The following PPP1R9A variants were observed in gnomAD, a reference collection of about 807,000 sequenced individuals.
PPP1R9A encodes the protein protein phosphatase 1 regulatory subunit 9A.
Under a neutral mutation model 141.9 loss-of-function variants are expected in PPP1R9A, and 59 were observed. That is an observed-to-expected ratio of 0.42 (90% CI 0.34 to 0.52). PPP1R9A has a LOEUF of 0.52. Ranked by LOEUF, PPP1R9A falls within the 20% of genes least tolerant of loss-of-function variation. The pLI is 0.10. For missense variants in PPP1R9A, 1,444 were observed against 1,611.9 expected (o/e 0.90, Z 1.78); for synonymous variants, 500 against 569.7 (o/e 0.88, Z 1.74).
chr7:95,178,969 T>TCCTATTGA (rs370924873), intron 5 of PPP1R9A, among the ~76,000 whole-genome samples: 263 of 152,116 alleles, frequency 1.7e-3, no homozygotes, highest in African/African-American at 5.9e-3. Context: ...TTGGTACCAA[T>TCCTATTGA]CCTATTGACA....
intron 2 of PPP1R9A, among the ~76,000 whole-genome samples, chr7:94,920,311 C>T (rs143787877): frequency 6.1e-4 from 93 of 151,960 alleles, no homozygotes; most frequent in Middle Eastern, 3.4e-3. Context: ...GCTTCACTCA[C>T]TTTTGCTCTG....
intron 5 of PPP1R9A, among the ~76,000 whole-genome samples, chr7:95,169,078 G>T (rs952861649): frequency 4.6e-5 from 7 of 152,074 alleles, no homozygotes; most frequent in Non-Finnish European, 7.4e-5. Flanking sequence ...AGAGATGGCA[G>T]CATCTCAGTG....
chr7:94,924,108 A>G (rs769459026), intron 2 of PPP1R9A, among the ~76,000 whole-genome samples: 4 of 152,216 alleles, frequency 2.6e-5, no homozygotes, highest in Admixed American at 6.5e-5. Context: ...ACATTAACAG[A>G]CAAACCATGT....
At chr7:95,209,991 G>A (rs1243355257) in intron 7 of PPP1R9A, among the ~76,000 whole-genome samples, 1 of 152,124 alleles carries the variant, frequency 6.6e-6, no homozygotes, top group East Asian at 1.9e-4. Context: ...ACTCAAGGAA[G>A]ACTGCCAGTT....
At chr7:95,157,232 CA>C (rs1315356491) in intron 4 of PPP1R9A, among the ~76,000 whole-genome samples, 4 of 151,372 alleles carry the variant, frequency 2.6e-5, no homozygotes, top group Non-Finnish European at 5.9e-5. Context: ...CCTGCAGGGG[CA>C]GGGGGGCCTT....
intron 3 of PPP1R9A, among the ~76,000 whole-genome samples, chr7:95,118,996 AAAGAAG>A (rs1174243372): frequency 6.6e-6 from 1 of 151,616 alleles, no homozygotes; most frequent in Non-Finnish European, 1.5e-5. Context: ...AAAAAAAAAA[AAAGAAG>A]AAGAAGAAAG....
chr7:95,253,230 C>T (rs533804846), intron 12 of PPP1R9A, among the ~76,000 whole-genome samples: 28 of 152,104 alleles, frequency 1.8e-4, no homozygotes, highest in African/African-American at 6.5e-4. Context: ...ATGACAGGAC[C>T]GACAACTCAG....
chr7:95,205,034 C>T (rs1790490930), intron 7 of PPP1R9A, among the ~76,000 whole-genome samples: 1 of 151,732 alleles, frequency 6.6e-6, no homozygotes, highest in African/African-American at 2.4e-5. Flanking sequence ...CACACACACT[C>T]ACTCTGATCC....
chr7:95,092,458 A>G (rs1817489038), intron 2 of PPP1R9A, among the ~76,000 whole-genome samples: 1 of 151,944 alleles, frequency 6.6e-6, no homozygotes, highest in Non-Finnish European at 1.5e-5. Flanking sequence ...AGTGGAAGCC[A>G]GCAGGGTGGA....
intron 2 of PPP1R9A, among the ~76,000 whole-genome samples, chr7:95,000,168 G>A (rs1802718455): frequency 6.6e-6 from 1 of 152,072 alleles, no homozygotes. Context: ...AAGTAGTGCG[G>A]CAAAATTTTT....
chr7:94,920,444 C>A (rs966599967), intron 2 of PPP1R9A, among the ~76,000 whole-genome samples: 2 of 151,690 alleles, frequency 1.3e-5, no homozygotes, highest in African/African-American at 4.8e-5. Context: ...AAGAAGACAG[C>A]GAAATACAGT....
rs545880929 is a variant in PPP1R9A, at chr7:95,040,336, A to G, written c.1396-70923A>G. On this transcript the variant is annotated intron_variant, in intron 2 of 19. Coordinates refer to ENST00000433360, the MANE Select transcript of PPP1R9A (RefSeq NM_001166160.2). ...GGTACCAAAAAAAAAAAGTGCTATA[A>G]GGGATTTAGAGGAGGAAAAGATAGC... Among the ~76,000 whole-genome samples, 10 of 152,158 alleles carry G rather than the reference A, an allele frequency of 6.6e-5. No homozygotes were observed. In the South Asian group the frequency reaches 2.1e-3, roughly 32 times the overall value.
rs1011481319 is a variant in PPP1R9A at position 95,290,710 on chromosome 7, A to T, written c.*407A>T. Reference sequence around the variant, plus strand: ...TGGGATCCTGAAATGGCAATTGCACATGTCTGCATGGCAGAGAGCACCCTG... The same window carrying T: ...TGGGATCCTGAAATGGCAATTGCACTTGTCTGCATGGCAGAGAGCACCCTG... On this transcript the variant is annotated 3_prime_UTR_variant, in exon 20 of 20. Transcript: ENST00000433360. 3.0e-5 allele frequency: 6 copies of T among 201,630 alleles called. No homozygotes were observed. Among genetic ancestry groups the T allele is most frequent in the Non-Finnish European group, 6.1e-5 (6 of 97,706 alleles). The allele number at this position is 201,630 out of a possible 1,614,324, so 12.5% of individuals were successfully genotyped here.
intron 2 of PPP1R9A, among the ~76,000 whole-genome samples, chr7:94,921,940 G>A (rs1792892883): frequency 6.6e-6 from 1 of 151,898 alleles, no homozygotes; most frequent in Non-Finnish European, 1.5e-5. Flanking sequence ...ACTCCAGCCT[G>A]GGCAACAGAG....
chr7:94,942,826 TAAATAAATAAA>T (rs1370970413), intron 2 of PPP1R9A, among the ~76,000 whole-genome samples: 1 of 150,058 alleles, frequency 6.7e-6, no homozygotes, highest in African/African-American at 2.4e-5. Flanking sequence ...AATAAATAAA[TAAATAAATAAA>T]TAAATAAATA....
At chr7:94,964,901 A>G (rs904644170) in intron 2 of PPP1R9A, among the ~76,000 whole-genome samples, 3 of 152,196 alleles carry the variant, frequency 2.0e-5, no homozygotes, top group African/African-American at 4.8e-5. Context: ...AATCACCACA[A>G]TGTCTTTCAC....
chr7:95,181,502 T>G (rs1025468600), intron 5 of PPP1R9A, among the ~76,000 whole-genome samples: 4 of 137,618 alleles, frequency 2.9e-5, no homozygotes, highest in Admixed American at 2.3e-4. Flanking sequence ...ATAGAATATA[T>G]ATAGAGAATA....
At chr7:95,010,857 G>A (rs1006425122) in intron 2 of PPP1R9A, among the ~76,000 whole-genome samples, 2 of 152,130 alleles carry the variant, frequency 1.3e-5, no homozygotes, top group East Asian at 1.9e-4. Flanking sequence ...TGTTAGGGGA[G>A]CAGTATTCTT....
chr7:95,228,389 CAT>C (rs957299316), intron 8 of PPP1R9A, among the ~76,000 whole-genome samples: 85 of 152,280 alleles, frequency 5.6e-4, no homozygotes, highest in African/African-American at 1.8e-3. Context: ...TGATATAAGA[CAT>C]GTACCCAATT....
Sources: gnomAD v4.1 joint callset for allele counts (sites outside exome capture counted in the v4.1 genomes callset) on GRCh38, gnomAD v4.1.1 for gene constraint, MANE v1.5 for transcripts, NCBI Gene and HGNC (gene_info 2026-07-23, HGNC 2026-07-21) for gene names.